The following PCDHA7 variants were observed in gnomAD, a reference collection of about 807,000 sequenced individuals.
PCDHA7 encodes protocadherin alpha 7, also known as protocadherin alpha-7.
PCDHA7 carries 37 observed loss-of-function variants against 57.2 expected under a neutral mutation model. That is an observed-to-expected ratio of 0.65 (90% CI 0.50 to 0.85). The LOEUF (loss-of-function observed/expected upper bound fraction) is 0.85, where lower values mean the gene tolerates loss of function less well. PCDHA7 is among the 40% of genes least tolerant of loss of function. The pLI is 0.00. For synonymous variants in PCDHA7, 553 were observed against 558.8 expected, an observed-to-expected ratio of 0.99 and a Z score of 0.15; for missense variants, 1,188 against 1,241.8, an observed-to-expected ratio of 0.96 and a Z score of 0.65.
rs376781836 is a variant in PCDHA7 at position 140,858,274 on chromosome 5, G to A, written c.2355+21536G>A. On this transcript the variant is annotated intron_variant, in intron 1 of 3. Coordinates refer to ENST00000525929, the MANE Select transcript of PCDHA7 (RefSeq NM_018910.3). ...AGCCCACGCTGGTGTGCTCTAGCGCGGTGGGGAGCTGGTCTTACTCGCAGC... is the reference window on the plus strand; with the variant it reads ...AGCCCACGCTGGTGTGCTCTAGCGCAGTGGGGAGCTGGTCTTACTCGCAGC... The A allele has an allele frequency of 1.3e-5, 21 of 1,597,416 alleles. 1 individual carries two copies. The African/African-American group carries it at 2.6e-4, about 19-fold the overall frequency.
chr5:140,853,707 C>A, intron 1 of PCDHA7: 2 of 988,182 alleles, frequency 2.0e-6, no homozygotes, highest in Non-Finnish European at 2.4e-6. Context: ...AACGCATTAG[C>A]ATTAGCAGCA....
At chr5:140,919,841 GA>G (rs1318412572) in intron 1 of PCDHA7, among the ~76,000 whole-genome samples, 1 of 152,146 alleles carries the variant, frequency 6.6e-6, no homozygotes, top group Non-Finnish European at 1.5e-5. Context: ...GTAACCTTTG[GA>G]ACCTGTGACC....
chr5:140,910,972 G>T (rs533796834), intron 1 of PCDHA7, among the ~76,000 whole-genome samples: 1 of 152,124 alleles, frequency 6.6e-6, no homozygotes, highest in African/African-American at 2.4e-5. Flanking sequence ...CCTCCTCATG[G>T]GTTATACTCT....
At chr5:140,975,511 A>T (rs1236558069) in intron 1 of PCDHA7, among the ~76,000 whole-genome samples, 2 of 152,212 alleles carry the variant, frequency 1.3e-5, no homozygotes, top group African/African-American at 4.8e-5. Flanking sequence ...CACTATGCAA[A>T]ATCTGCAGTG....
intron 1 of PCDHA7, among the ~76,000 whole-genome samples, chr5:140,949,594 G>C (rs914390039): frequency 6.6e-6 from 1 of 151,450 alleles, no homozygotes; most frequent in African/African-American, 2.4e-5. Context: ...ATATTAATGT[G>C]GCCATTCTAG....
At chr5:140,934,690 T>G (rs1263392505) in intron 1 of PCDHA7, among the ~76,000 whole-genome samples, 1 of 152,198 alleles carries the variant, frequency 6.6e-6, no homozygotes, top group Non-Finnish European at 1.5e-5. Flanking sequence ...AAACAATGAA[T>G]TGATTCCTGG....
intron 1 of PCDHA7, among the ~76,000 whole-genome samples, chr5:140,838,075 A>AGTGTG (rs781914509): frequency 3.7e-4 from 47 of 128,236 alleles, no homozygotes; most frequent in East Asian, 1.2e-3. Context: ...TTATATATAT[A>AGTGTG]TAGTGTGTGT....
At chr5:140,937,890 C>G (rs1209951664) in intron 1 of PCDHA7, among the ~76,000 whole-genome samples, 1 of 145,964 alleles carries the variant, frequency 6.9e-6, no homozygotes, top group Non-Finnish European at 1.5e-5. Flanking sequence ...CCAGCCTGGG[C>G]GACAGAGTGA....
At chr5:140,910,854 T>G (rs2075197535) in intron 1 of PCDHA7, among the ~76,000 whole-genome samples, 1 of 152,212 alleles carries the variant, frequency 6.6e-6, no homozygotes, top group East Asian at 1.9e-4. Flanking sequence ...GGATCTATGT[T>G]CCATCCACCA....
In PCDHA7 at chr5:140,836,794, C is replaced by G. The variant is rs2150270032; in HGVS notation, c.2355+56C>G. 3.6e-6 allele frequency: 5 copies of G among 1,396,752 alleles called. 1 individual carries two copies. The East Asian group carries it at 9.2e-5, about 26-fold the overall frequency. The allele number at this position is 1,396,752 out of a possible 1,614,324, so 86.5% of individuals were successfully genotyped here. ...TTTTAAAACAATTAGTTCAATTGGT[C>G]TCCTTAAATTTTCTTTCATAATTTC... is the stretch of plus-strand genomic sequence containing the variant. On this transcript the variant is annotated intron_variant, in intron 1 of 3. Coordinates refer to ENST00000525929, the MANE Select transcript of PCDHA7 (RefSeq NM_018910.3).
chr5:140,969,147 A>G (rs781909774), intron 1 of PCDHA7: 1 of 1,614,172 alleles, frequency 6.2e-7, no homozygotes, highest in Non-Finnish European at 8.5e-7. Flanking sequence ...TACTGCTACA[A>G]GGCCTGTCTG....
chr5:140,836,027 C>A lies in PCDHA7; in HGVS notation c.1644C>A (p.Asn548Lys). Residue 548 changes from asparagine to lysine, a missense_variant, in exon 1 of 4, where the codon AAC becomes AAA. By Grantham distance (94) the Asn-to-Lys change is moderately conservative. Around this residue, in one of 3 missense-constraint regions of PCDHA7, gnomAD observed 892 missense variants for 788.5 expected, o/e 1.13. Coordinates refer to ENST00000525929, the MANE Select transcript of PCDHA7 (RefSeq NM_018910.3). The part of the protein sequence containing the change: ...RDAGVPPLGS[N>K]VTLQVFVLDE... ...CGGGCGTGCCGCCTCTGGGCAGCAA[C>A]GTGACGCTGCAGGTGTTCGTGCTGG... The A allele has an allele frequency of 1.9e-6, 3 of 1,613,456 alleles. No individual in the cohort carries two copies. The highest frequency in any genetic ancestry group is 1.3e-5 in the African/African-American group (1 of 75,020).
At chr5:140,892,998 AT>A (rs2063775886) in intron 1 of PCDHA7, among the ~76,000 whole-genome samples, 1 of 152,170 alleles carries the variant, frequency 6.6e-6, no homozygotes, top group South Asian at 2.1e-4. Context: ...GAGAACATGT[AT>A]TTATTTTTCT....
At chr5:140,879,303 G>A (rs2057936117) in intron 1 of PCDHA7, among the ~76,000 whole-genome samples, 1 of 152,184 alleles carries the variant, frequency 6.6e-6, no homozygotes. Flanking sequence ...AAAAACAAAA[G>A]TAGAAGTTGA....
At chr5:140,943,547 C>T (rs1376489824) in intron 1 of PCDHA7, among the ~76,000 whole-genome samples, 20 of 152,104 alleles carry the variant, frequency 1.3e-4, no homozygotes, top group African/African-American at 4.6e-4. Context: ...TGTAAATAGA[C>T]GTAGACAATA....
At chr5:140,989,315 C>T (rs1285439327) in intron 3 of PCDHA7, among the ~76,000 whole-genome samples, 1 of 152,130 alleles carries the variant, frequency 6.6e-6, no homozygotes, top group East Asian at 1.9e-4. Flanking sequence ...AGTAGGGTCT[C>T]ACCAACTTTG....
intron 1 of PCDHA7, among the ~76,000 whole-genome samples, chr5:140,879,733 A>G (rs1213918807): frequency 6.6e-6 from 1 of 152,218 alleles, no homozygotes; most frequent in African/African-American, 2.4e-5. Flanking sequence ...GTCCAAAATC[A>G]AGGTGTTGTC....
At chr5:140,885,203 C>A (rs1348633653) in intron 1 of PCDHA7, among the ~76,000 whole-genome samples, 2 of 151,986 alleles carry the variant, frequency 1.3e-5, no homozygotes, top group African/African-American at 2.4e-5. Flanking sequence ...TCTCATATAT[C>A]CCATGAAAAA....
intron 1 of PCDHA7, chr5:140,857,941 T>C (rs1294613928): frequency 6.3e-7 from 1 of 1,597,330 alleles, no homozygotes; most frequent in Non-Finnish European, 8.6e-7. Flanking sequence ...GCGAGATCAG[T>C]ACGACGCGCG....
Sources: allele counts gnomAD v4.1 joint callset (sites outside exome capture counted in the v4.1 genomes callset), GRCh38; gene constraint gnomAD v4.1.1; regional missense constraint gnomAD v4.1.1; transcripts MANE v1.5; gene names NCBI Gene and HGNC (gene_info 2026-07-23, HGNC 2026-07-21).